DYSF: variants seen among roughly 807,000 people sequenced by gnomAD.
DYSF encodes the protein dystrophy-associated fer-1-like 1.
In DYSF, 212 loss-of-function variants were observed where a neutral mutation model predicts 274.9. The ratio of observed to expected loss-of-function variants is 0.77; its 90% CI spans 0.69 to 0.86. The LOEUF (loss-of-function observed/expected upper bound fraction) is 0.86. DYSF is among the 40% of genes least tolerant of loss of function. The probability of loss-of-function intolerance (pLI) is 0.00; values close to 1 mark genes in which losing one functional copy is unlikely to be tolerated. For synonymous variants in DYSF, 1,091 were observed against 1,078.7 expected (o/e 1.01, Z -0.22); for missense variants, 2,666 against 2,783.2 (o/e 0.96, Z 0.95).
chr2:71,578,298 G>A (rs2152829060), intron 30 of DYSF, among the ~76,000 whole-genome samples: 1 of 152,278 alleles, frequency 6.6e-6, no homozygotes, highest in South Asian at 2.1e-4. Context: ...CCCTACTTGG[G>A]TGCCCTTCTG....
chr2:71,495,032 AG>A (rs1008987081), intron 3 of DYSF, among the ~76,000 whole-genome samples: 6 of 152,124 alleles, frequency 3.9e-5, no homozygotes, highest in African/African-American at 2.4e-5. Context: ...GTGAGTGGGG[AG>A]GGGAAGAAGG....
intron 1 of DYSF, among the ~76,000 whole-genome samples, chr2:71,458,949 C>G (rs982315697): frequency 1.3e-4 from 20 of 152,178 alleles, no homozygotes; most frequent in African/African-American, 4.8e-4. Context: ...CCACTATGCA[C>G]GATTTCTCCC....
intron 3 of DYSF, among the ~76,000 whole-genome samples, chr2:71,487,986 A>G (rs959493271): frequency 1.2e-4 from 18 of 152,226 alleles, no homozygotes; most frequent in African/African-American, 4.1e-4. Flanking sequence ...TGAAAAACAG[A>G]TGGAAGAATC....
intron 40 of DYSF, among the ~76,000 whole-genome samples, chr2:71,619,276 G>A (rs543973422): frequency 1.1e-3 from 163 of 152,192 alleles, no homozygotes; most frequent in African/African-American, 3.7e-3. Flanking sequence ...GTCTATTCCA[G>A]GGGTCACACG....
intron 52 of DYSF, 35 bp from the exon 53 acceptor site, chr2:71,679,022 G>A: frequency 6.2e-7 from 1 of 1,610,538 alleles, no homozygotes; most frequent in Non-Finnish European, 8.5e-7. Flanking sequence ...CAGTGATCGA[G>A]AAACCCTTGG....
rs2081564567 is a variant in DYSF at position 71,466,800 on chromosome 2, C to T, written c.-43C>T. The T allele has an allele frequency of 2.7e-6, 4 of 1,483,180 alleles. No individual in the cohort carries two copies. Among genetic ancestry groups the T allele is most frequent in the Non-Finnish European group, 3.6e-6 (4 of 1,103,148 alleles). 91.9% of individuals were successfully genotyped at this position (1,483,180 alleles called of 1,614,324 possible). ...GTGCTCGGGCCCGGTGCTCCCGCTC[C>T]CGCCCTGACTGCGCGCCTGTGTGCC... On this transcript the variant is annotated 5_prime_UTR_variant, in exon 1 of 56. Transcript: ENST00000410020.
chr2:71,641,241 C>G (rs1415973944), intron 41 of DYSF, among the ~76,000 whole-genome samples: 1 of 142,994 alleles, frequency 7.0e-6, no homozygotes, highest in Non-Finnish European at 1.5e-5. Context: ...TGCAGTGGCG[C>G]AATCTCGGCT....
In DYSF at chr2:71,682,525, T is replaced by A; in HGVS notation, c.6174-5T>A. ...CCCAGTTGACCTCCGGGATCTCGCT[T>A]CCAGGCGCCCCGACACCTCCTTCCT... On this transcript the variant is annotated splice_region_variant and splice_polypyrimidine_tract_variant and intron_variant, in intron 54 of 55. Transcript: ENST00000410020. 1 of 1,614,096 alleles carries A rather than the reference T, an allele frequency of 6.2e-7. No individual in the cohort carries two copies. Among genetic ancestry groups the A allele is most frequent in the Non-Finnish European group, 8.5e-7 (1 of 1,180,012 alleles).
intron 55 of DYSF, 96 bp downstream of exon 55, chr2:71,682,773 A>G: frequency 6.6e-7 from 1 of 1,506,872 alleles, no homozygotes; most frequent in Non-Finnish European, 9.0e-7. Context: ...TAATGGAGAG[A>G]AGTAACCTCT....
In DYSF at chr2:71,590,273, A is replaced by G. The variant is rs2093222376; in HGVS notation, c.3559A>G (p.Lys1187Glu). ...GGCCCGGGACCTGGCTGCGATGGAC[A>G]AGGACTCTTTTTCTGGTAGGTGGGA... ...YQARDLAAMD[K>E]DSFSDPYAIV... is the part of the protein sequence containing the mutation. Residue 1187 changes from lysine to glutamate, a missense_variant, in exon 32 of 56, where the codon AAG becomes GAG. Physicochemically the swap from Lys to Glu is moderately conservative, Grantham distance 56 (BLOSUM62 1). Transcript: ENST00000410020. The G allele has an allele frequency of 6.2e-7, 1 of 1,614,128 alleles. No homozygotes were observed. Among genetic ancestry groups the G allele is most frequent in the South Asian group, 1.1e-5 (1 of 91,086 alleles).
At chr2:71,618,414 T>A (rs1349536155) in intron 40 of DYSF, among the ~76,000 whole-genome samples, 1 of 53,292 alleles carries the variant, frequency 1.9e-5, no homozygotes, top group Non-Finnish European at 3.4e-5. Flanking sequence ...GTAGAGGTGG[T>A]GTGTGTGTGG....
chr2:71,628,968 A>T (rs535522843), intron 41 of DYSF, among the ~76,000 whole-genome samples: 22 of 152,048 alleles, frequency 1.4e-4, no homozygotes, highest in African/African-American at 4.6e-4. Context: ...AAAAAAATTT[A>T]AAAAGTAAAA....
chr2:71,466,886 C>A lies in DYSF; in HGVS notation c.44C>A (p.Ala15Glu). 1 of 1,549,908 alleles carries A rather than the reference C, an allele frequency of 6.5e-7. No individual in the cohort carries two copies. Among genetic ancestry groups the A allele is most frequent in the Non-Finnish European group, 8.7e-7 (1 of 1,145,820 alleles). Residue 15 changes from alanine (A) to glutamate (E), a missense_variant, in exon 1 of 56, where the codon GCG becomes GAG. This residue lies in a region of DYSF where 794 missense variants were observed against 777.1 expected (regional missense o/e 1.02). Transcript: ENST00000410020. The part of the protein sequence containing the change: ...LLVRASNLPS[A>E]KKDRRSDPVA... ...GTGAGGGCCAGCAACCTCCCCAGTG[C>A]GAAGAAGGACCGGCGCAGCGACCCT...
chr2:71,669,151 G>C lies in DYSF; in HGVS notation c.5586G>C (p.Val1862=), dbSNP rs781377361. ...GTATTATCTGGAATACCAGAGATGT[G>C]ATCCTGGATGACCTGAGCCTCACGG... ...LRCIIWNTRD[V]ILDDLSLTGE... is the part of the protein sequence containing the mutation. Residue 1862 remains valine (V), a synonymous_variant, in exon 50 of 56, where the codon GTG becomes GTC. Transcript: ENST00000410020. 6.2e-7 allele frequency: 1 copy of C among 1,610,194 alleles called. No individual in the cohort carries two copies. Among genetic ancestry groups the C allele is most frequent in the Non-Finnish European group, 8.5e-7 (1 of 1,178,360 alleles).
At position 71,601,731 on chromosome 2, in the gene DYSF, C is replaced by T. The variant is rs77826716; in HGVS notation, c.3927+203C>T. 8.6e-3 allele frequency among the ~76,000 whole-genome samples: 1,311 copies of T among 152,300 alleles called. 25 individuals are homozygous for T. Among genetic ancestry groups the T allele is most frequent in the African/African-American group, 0.03 (1,261 of 41,562 alleles). On this transcript the variant is annotated intron_variant, in intron 35 of 55. Coordinates refer to ENST00000410020, the MANE Select transcript of DYSF (RefSeq NM_001130987.2). ...CTCAGGCCTTTGCTGCCCTTCTCTG[C>T]GAAGTCCAAGAACCACAGAATCCCA...
At chr2:71,662,521 T>C (rs1018882866) in intron 45 of DYSF, among the ~76,000 whole-genome samples, 3 of 124,986 alleles carry the variant, frequency 2.4e-5, no homozygotes, top group Non-Finnish European at 3.7e-5. Flanking sequence ...TGTATGTGTG[T>C]CTGTGTTCGT....
intron 3 of DYSF, among the ~76,000 whole-genome samples, chr2:71,484,999 G>T (rs899786777): frequency 6.6e-6 from 1 of 152,200 alleles, no homozygotes; most frequent in Admixed American, 6.5e-5. Flanking sequence ...GTTCACTGCA[G>T]GGCTGTGTGC....
At chr2:71,458,278 A>C (rs1352129502) in intron 1 of DYSF, among the ~76,000 whole-genome samples, 1 of 152,222 alleles carries the variant, frequency 6.6e-6, no homozygotes, top group Non-Finnish European at 1.5e-5. Flanking sequence ...ACATAAATTT[A>C]TTATAATCAT....
upstream of DYSF, chr2:71,466,683 C>T: frequency 7.3e-7 from 1 of 1,366,072 alleles, no homozygotes; most frequent in Non-Finnish European, 9.4e-7. Flanking sequence ...CCTGCAGCCT[C>T]TCCCAGGCAT....
Sources: allele counts gnomAD v4.1 joint callset (sites outside exome capture counted in the v4.1 genomes callset), GRCh38; gene constraint gnomAD v4.1.1; regional missense constraint gnomAD v4.1.1; transcripts MANE v1.5; gene names NCBI Gene and HGNC (gene_info 2026-07-23, HGNC 2026-07-21).